The following SERPINI1 variants were observed in gnomAD, a reference collection of about 807,000 sequenced individuals.
SERPINI1 encodes the protein serpin family I member 1, also known as neuroserpin.
Under a neutral mutation model 41.1 loss-of-function variants are expected in SERPINI1, and 19 were observed. The ratio of observed to expected loss-of-function variants is 0.46; its 90% CI spans 0.32 to 0.68. The LOEUF is 0.68. Among genes scored for constraint, SERPINI1 ranks in the 30% least tolerant of loss-of-function variants. The probability of loss-of-function intolerance (pLI) is 0.03; values close to 1 mark genes in which losing one functional copy is unlikely to be tolerated. For missense variants in SERPINI1, 460 were observed against 479.2 expected, an observed-to-expected ratio of 0.96 and a Z score of 0.37; for synonymous variants, 138 against 156.6, an observed-to-expected ratio of 0.88 and a Z score of 0.89.
intron 6 of SERPINI1, among the ~76,000 whole-genome samples, chr3:167,815,191 T>C (rs931282400): frequency 6.6e-6 from 1 of 152,202 alleles, no homozygotes; most frequent in East Asian, 1.9e-4. Flanking sequence ...GATTGTCTAC[T>C]GCATGACATC....
chr3:167,793,648 G>A (rs1417776050), intron 4 of SERPINI1, among the ~76,000 whole-genome samples: 1 of 149,486 alleles, frequency 6.7e-6, no homozygotes, highest in East Asian at 1.9e-4. Context: ...AGCTACTTGG[G>A]AGGCTGAAGG....
intron 1 of SERPINI1, among the ~76,000 whole-genome samples, chr3:167,762,730 TC>T (rs1245972791): frequency 6.6e-6 from 1 of 152,164 alleles, no homozygotes; most frequent in Non-Finnish European, 1.5e-5. Flanking sequence ...ATTGCGATAC[TC>T]CCTCTCACCT....
intron 1 of SERPINI1, among the ~76,000 whole-genome samples, chr3:167,784,117 G>A (rs1450499252): frequency 6.7e-6 from 1 of 149,980 alleles, no homozygotes; most frequent in Non-Finnish European, 1.5e-5. Flanking sequence ...AGAGCTGCAG[G>A]TCCATCTAAC....
At chr3:167,742,265 G>A (rs1577394958) in intron 1 of SERPINI1, among the ~76,000 whole-genome samples, 1 of 152,242 alleles carries the variant, frequency 6.6e-6, no homozygotes, top group East Asian at 1.9e-4. Flanking sequence ...TGGCCCAAAA[G>A]TGATTAACAA....
At chr3:167,766,285 C>A (rs548014280) in intron 1 of SERPINI1, among the ~76,000 whole-genome samples, 63 of 149,694 alleles carry the variant, frequency 4.2e-4, no homozygotes, top group Middle Eastern at 3.5e-3. Flanking sequence ...AGAGGCTTCA[C>A]AATCATGGCA....
At chr3:167,737,247 C>G (rs1372265407) in intron 1 of SERPINI1, among the ~76,000 whole-genome samples, 3 of 152,104 alleles carry the variant, frequency 2.0e-5, no homozygotes, top group African/African-American at 2.4e-5. Context: ...CTCCCACACT[C>G]TCACATACCA....
At position 167,741,107 on chromosome 3, in the gene SERPINI1, G is replaced by T. The variant is rs979613527; in HGVS notation, c.-19+5284G>T. The stretch of plus-strand genomic sequence containing the variant: ...TTGGCATTGACAGTGCTCAGTGTTG[G>T]TCTTCTGTGTATAGCTTGGTGGTGG... On this transcript the variant is annotated intron_variant, in intron 1 of 8. Transcript: ENST00000446050. Among the ~76,000 whole-genome samples the T allele has an allele frequency of 5.9e-5, 9 of 152,224 alleles. No individual in the cohort carries two copies. The East Asian group carries it at 1.4e-3, about 23-fold the overall frequency.
At chr3:167,760,867 A>C (rs953391308) in intron 1 of SERPINI1, among the ~76,000 whole-genome samples, 4 of 152,184 alleles carry the variant, frequency 2.6e-5, no homozygotes, top group African/African-American at 9.7e-5. Context: ...AAGTTCAGGC[A>C]GAGTTAAACC....
At chr3:167,737,481 TAAA>T (rs888755312) in intron 1 of SERPINI1, among the ~76,000 whole-genome samples, 11 of 147,618 alleles carry the variant, frequency 7.5e-5, no homozygotes, top group Admixed American at 7.4e-4. Context: ...ATTTTGGGGG[TAAA>T]AAAAAAAGTG....
intron 2 of SERPINI1, among the ~76,000 whole-genome samples, chr3:167,789,776 G>T (rs1303567213): frequency 6.6e-6 from 1 of 152,068 alleles, no homozygotes; most frequent in Non-Finnish European, 1.5e-5. Flanking sequence ...CTTAAAATCA[G>T]CAGTATCCTC....
chr3:167,740,707 C>T (rs769193455), intron 1 of SERPINI1, among the ~76,000 whole-genome samples: 9 of 152,046 alleles, frequency 5.9e-5, no homozygotes, highest in Non-Finnish European at 7.4e-5. Context: ...TGCAAACTTG[C>T]GCGCGCGCTT....
Position 167,788,570 on chromosome 3 carries a change from T to G in SERPINI1, c.-18-541T>G, listed in dbSNP as rs116593867. On this transcript the variant is annotated intron_variant, in intron 1 of 8. Coordinates refer to ENST00000446050, the MANE Select transcript of SERPINI1 (RefSeq NM_001122752.2). ...AAGGATGTGCTGAGTCTGCTCCTTC[T>G]CTGGTTTACCACTTCCTGTGGACTC... Among the ~76,000 whole-genome samples the G allele has an allele frequency of 2.9e-3, 440 of 152,304 alleles. 2 individuals are homozygous for G. The highest frequency in any genetic ancestry group is 0.01 in the African/African-American group (423 of 41,570).
intron 6 of SERPINI1, among the ~76,000 whole-genome samples, chr3:167,817,881 G>A (rs1300689523): frequency 6.6e-6 from 1 of 151,698 alleles, no homozygotes; most frequent in Admixed American, 6.6e-5. Context: ...TTACAGGCGT[G>A]AGCCACCGCG....
chr3:167,815,135 A>T (rs1265585663), intron 6 of SERPINI1, among the ~76,000 whole-genome samples: 1 of 152,172 alleles, frequency 6.6e-6, no homozygotes, highest in African/African-American at 2.4e-5. Flanking sequence ...GAACAGGCAA[A>T]GTCCAGGCCT....
At chr3:167,791,385 C>T (rs1262486268) in intron 3 of SERPINI1, among the ~76,000 whole-genome samples, 1 of 152,022 alleles carries the variant, frequency 6.6e-6, no homozygotes, top group East Asian at 1.9e-4. Flanking sequence ...ACTCAATATC[C>T]CTTAATCTCC....
At chr3:167,809,733 A>G (rs1018406312) in intron 6 of SERPINI1, among the ~76,000 whole-genome samples, 9 of 152,270 alleles carry the variant, frequency 5.9e-5, no homozygotes, top group African/African-American at 2.2e-4. Context: ...CTTGTAAAAA[A>G]CTGACATATA....
intron 5 of SERPINI1, among the ~76,000 whole-genome samples, chr3:167,806,783 A>C (rs1711659979): frequency 6.6e-6 from 1 of 152,128 alleles, no homozygotes; most frequent in Non-Finnish European, 1.5e-5. Flanking sequence ...AGGGAAAGTA[A>C]CATAAATTGA....
At position 167,772,864 on chromosome 3, in the gene SERPINI1, C is replaced by CTATATATA. The variant is rs1161668820; in HGVS notation, c.-18-16224_-18-16217dup. 4.8e-3 allele frequency among the ~76,000 whole-genome samples: 117 copies of CTATATATA among 24,594 alleles called. 4 individuals carry two copies. The highest frequency in any genetic ancestry group is 0.016 in the African/African-American group (87 of 5,354). 16.1% of individuals were successfully genotyped at this position (24,594 alleles called of 152,430 possible). A position where few individuals can be genotyped will look rare whatever the true frequency, so the allele number is the denominator to read the frequency against. On this transcript the variant is annotated intron_variant, in intron 1 of 8. Coordinates refer to ENST00000446050, the MANE Select transcript of SERPINI1 (RefSeq NM_001122752.2). ...TCTCTCTCTCTCTCTCTCTCTCTCT[C>CTATATATA]TATATATATATATATATATATATAT...
chr3:167,793,596 A>ATATATATATTTTTTTTTTTT, intron 4 of SERPINI1, among the ~76,000 whole-genome samples: 8 of 140,608 alleles, frequency 5.7e-5, no homozygotes, highest in African/African-American at 2.2e-4. Context: ...ATATATATAT[A>ATATATATATTTTTTTTTTTT]TTTTTAATTA....
Sources: gnomAD v4.1 joint callset for allele counts (sites outside exome capture counted in the v4.1 genomes callset) on GRCh38, gnomAD v4.1.1 for gene constraint, MANE v1.5 for transcripts, NCBI Gene and HGNC (gene_info 2026-07-23, HGNC 2026-07-21) for gene names.